The following CMSS1 variants were observed in gnomAD, a reference collection of about 807,000 sequenced individuals.
The protein encoded by CMSS1 is protein CMSS1.
A neutral mutation model predicts 43.5 loss-of-function variants in CMSS1; 33 were observed. That is an observed-to-expected ratio of 0.76 (90% CI 0.57 to 1.01). CMSS1 has a LOEUF of 1.01. Among genes scored for constraint, CMSS1 ranks in the 50% least tolerant of loss-of-function variants. CMSS1 has a pLI of 0.00. For missense variants in CMSS1, 313 were observed against 326.4 expected, an observed-to-expected ratio of 0.96 and a Z score of 0.32; for synonymous variants, 115 against 117.2, an observed-to-expected ratio of 0.98 and a Z score of 0.12.
chr3:100,006,377 T>C (rs1487730811), intron 1 of CMSS1, among the ~76,000 whole-genome samples: 2 of 152,156 alleles, frequency 1.3e-5, no homozygotes, highest in African/African-American at 2.4e-5. Flanking sequence ...TTTGAATACC[T>C]TTGCCAACAG....
chr3:100,036,367 A>G (rs1278094970), intron 1 of CMSS1, among the ~76,000 whole-genome samples: 4 of 152,210 alleles, frequency 2.6e-5, no homozygotes, highest in Non-Finnish European at 1.5e-5. Flanking sequence ...GGAAGTCTCA[A>G]AAAATGATGA....
chr3:99,927,569 A>C (rs1272215892), intron 1 of CMSS1, among the ~76,000 whole-genome samples: 1 of 151,948 alleles, frequency 6.6e-6, no homozygotes, highest in Non-Finnish European at 1.5e-5. Flanking sequence ...GGCTTTCTTC[A>C]TGTTGGTCAG....
At chr3:100,163,618 C>G (rs944520202) in intron 4 of CMSS1, among the ~76,000 whole-genome samples, 8 of 152,122 alleles carry the variant, frequency 5.3e-5, no homozygotes, top group Non-Finnish European at 1.0e-4. Context: ...TTCACTGCAG[C>G]CTCGAACTCC....
intron 2 of CMSS1, among the ~76,000 whole-genome samples, chr3:100,149,502 C>T (rs2066884115): frequency 6.6e-6 from 1 of 152,230 alleles, no homozygotes; most frequent in South Asian, 2.1e-4. Context: ...TTACTGCCCC[C>T]TTTTAATCAC....
intron 1 of CMSS1, chr3:99,830,007 A>G (rs1036737641): frequency 1.3e-5 from 2 of 152,968 alleles, no homozygotes; most frequent in Admixed American, 1.3e-4. Context: ...TCAGATTAGG[A>G]ATTTTTGCTA....
intron 1 of CMSS1, among the ~76,000 whole-genome samples, chr3:100,004,746 T>C (rs1709940891): frequency 6.6e-6 from 1 of 152,080 alleles, no homozygotes; most frequent in African/African-American, 2.4e-5. Context: ...GATTGGTGGG[T>C]TTAAAAGTGG....
intron 1 of CMSS1, among the ~76,000 whole-genome samples, chr3:99,983,389 AATATATATATAT>A (rs397990626): frequency 7.4e-5 from 3 of 40,788 alleles, no homozygotes; most frequent in African/African-American, 3.1e-4. Context: ...TAAATAAATA[AATATATATATAT>A]ATATATATAT....
At chr3:100,153,392 C>T (rs1009853701) in intron 2 of CMSS1, among the ~76,000 whole-genome samples, 3 of 152,162 alleles carry the variant, frequency 2.0e-5, no homozygotes, top group African/African-American at 4.8e-5. Context: ...TTCTTTTTAT[C>T]GCTGAGCACA....
At chr3:99,837,680 C>T (rs1050833893) in intron 1 of CMSS1, among the ~76,000 whole-genome samples, 1 of 152,204 alleles carries the variant, frequency 6.6e-6, no homozygotes, top group African/African-American at 2.4e-5. Flanking sequence ...AACACTTCTC[C>T]TTCTGACCTG....
At chr3:100,018,022 G>C (rs1710395018) in intron 1 of CMSS1, among the ~76,000 whole-genome samples, 1 of 152,016 alleles carries the variant, frequency 6.6e-6, no homozygotes, top group African/African-American at 2.4e-5. Context: ...GTTGTGCACA[G>C]TGACCAATAT....
In CMSS1 at chr3:100,119,132, T is replaced by C. The variant is rs9841678; in HGVS notation, c.65-27841T>C. On this transcript the variant is annotated intron_variant, in intron 1 of 9. Coordinates refer to ENST00000421999, the MANE Select transcript of CMSS1 (RefSeq NM_032359.4). ...TTTAAAATGATTCAGGGAAGCCTAA[T>C]ACTGTGCTTTTTGCTAGATTTTACA... Among the ~76,000 whole-genome samples the C allele has an allele frequency of 5.0e-3, 756 of 152,364 alleles. 5 individuals carry two copies. The highest frequency in any genetic ancestry group is 0.017 in the African/African-American group (712 of 41,580).
intron 1 of CMSS1, among the ~76,000 whole-genome samples, chr3:99,832,807 T>C (rs1157372535): frequency 7.9e-6 from 1 of 126,760 alleles, no homozygotes; most frequent in East Asian, 2.5e-4. Flanking sequence ...AGCATTGCAC[T>C]CCAGCCTGGG....
chr3:100,172,508 G>C (rs909136077), intron 8 of CMSS1, 105 bp downstream of exon 8: 1 of 803,412 alleles, frequency 1.2e-6, no homozygotes, highest in African/African-American at 1.8e-5. Flanking sequence ...CCAGACCTCT[G>C]TGTTAATTCA....
chr3:100,124,067 T>A, intron 1 of CMSS1, among the ~76,000 whole-genome samples: 1 of 152,198 alleles, frequency 6.6e-6, no homozygotes, highest in East Asian at 1.9e-4. Context: ...ATTTTCAGTC[T>A]ATGACAGATA....
At chr3:99,926,217 C>T (rs1394146203) in intron 1 of CMSS1, among the ~76,000 whole-genome samples, 1 of 152,300 alleles carries the variant, frequency 6.6e-6, no homozygotes, top group East Asian at 1.9e-4. Context: ...AAGAGTACAA[C>T]TGAGGTGTCC....
At chr3:99,824,412 A>G (rs1415853674) in intron 1 of CMSS1, among the ~76,000 whole-genome samples, 1 of 152,202 alleles carries the variant, frequency 6.6e-6, no homozygotes, top group Non-Finnish European at 1.5e-5. Flanking sequence ...TGTTAAATTA[A>G]TTACTTTTTC....
At chr3:99,898,764 TAAAAAAAAA>T (rs35626116) in intron 1 of CMSS1, 1 of 123,038 alleles carries the variant, frequency 8.1e-6, no homozygotes, top group Non-Finnish European at 1.7e-5. Flanking sequence ...AGACTCCATC[TAAAAAAAAA>T]AAAAAAAAAA....
At chr3:99,833,072 G>A (rs1942749940) in intron 1 of CMSS1, 1 of 662,102 alleles carries the variant, frequency 1.5e-6, no homozygotes, top group Non-Finnish European at 2.7e-6. Context: ...TCTACTCAGA[G>A]TTGGAGGCTC....
chr3:100,046,564 GGTT>G (rs1231615382), intron 1 of CMSS1, among the ~76,000 whole-genome samples: 1 of 151,914 alleles, frequency 6.6e-6, no homozygotes, highest in Non-Finnish European at 1.5e-5. Context: ...TGTTACAATT[GGTT>G]GTTGTTGATG....
Sources: allele counts gnomAD v4.1 joint callset (sites outside exome capture counted in the v4.1 genomes callset), GRCh38; gene constraint gnomAD v4.1.1; transcripts MANE v1.5; gene names NCBI Gene and HGNC (gene_info 2026-07-23, HGNC 2026-07-21).